SCG5: variants seen among roughly 807,000 people sequenced by gnomAD.
The protein encoded by SCG5 is neuroendocrine protein 7B2.
A neutral mutation model predicts 25.7 loss-of-function variants in SCG5; 18 were observed. That is an observed-to-expected ratio of 0.70 (90% CI 0.48 to 1.04). The LOEUF is 1.04. SCG5 is among the 50% of genes least tolerant of loss of function. The probability of loss-of-function intolerance (pLI) is 0.00; values close to 1 mark genes in which losing one functional copy is unlikely to be tolerated. For synonymous variants in SCG5, 101 were observed against 91.7 expected, an observed-to-expected ratio of 1.10 and a Z score of -0.58; for missense variants, 206 against 259.8, an observed-to-expected ratio of 0.79 and a Z score of 1.42.
chr15:32,650,127 T>C (rs928114421), intron 2 of SCG5, among the ~76,000 whole-genome samples: 4 of 152,154 alleles, frequency 2.6e-5, no homozygotes, highest in African/African-American at 9.7e-5. Context: ...GACGGAGTCT[T>C]GCTCTTTCGC....
At chr15:32,688,836 G>A (rs1187557577) in intron 4 of SCG5, among the ~76,000 whole-genome samples, 1 of 152,040 alleles carries the variant, frequency 6.6e-6, no homozygotes, top group East Asian at 1.9e-4. Context: ...GCGGGTGCCT[G>A]TAGTCCCAGC....
intron 2 of SCG5, among the ~76,000 whole-genome samples, chr15:32,649,449 A>G (rs985914472): frequency 6.6e-6 from 1 of 152,232 alleles, no homozygotes; most frequent in African/African-American, 2.4e-5. Flanking sequence ...TGTGATCACC[A>G]TGGTGCAAGG....
At chr15:32,675,878 T>A (rs2140562172) in intron 2 of SCG5, among the ~76,000 whole-genome samples, 1 of 152,310 alleles carries the variant, frequency 6.6e-6, no homozygotes, top group South Asian at 2.1e-4. Flanking sequence ...TGATTATATA[T>A]TATGTGCTCA....
chr15:32,687,439 A>G (rs572927993), intron 4 of SCG5, among the ~76,000 whole-genome samples: 10 of 152,342 alleles, frequency 6.6e-5, no homozygotes, highest in Admixed American at 5.9e-4. Context: ...GTTTACTTAA[A>G]CTTAGGTCTC....
Position 32,684,657 on chromosome 15 carries a change from C to A in SCG5, c.477C>A (p.Gly159=). ...TTGATCCGGAACATGACTATCCAGG[C>A]TTGGGCAAGTGGGTAAGTCCTATCT... ...HLFDPEHDYP[G]LGKWNKKLLY... Residue 159 remains glycine (G), a synonymous_variant, in exon 4 of 6, where the codon GGC becomes GGA. Transcript: ENST00000300175. The A allele has an allele frequency of 6.2e-7, 1 of 1,611,928 alleles. No individual in the cohort carries two copies. The highest frequency in any genetic ancestry group is 8.5e-7 in the Non-Finnish European group (1 of 1,178,264).
chr15:32,692,221 G>A (rs2054871445), intron 5 of SCG5: 2 of 995,162 alleles, frequency 2.0e-6, no homozygotes, highest in Admixed American at 6.1e-5. Context: ...GGGAGCAAAA[G>A]ATGAGATGAA....
rs1265762656 is a variant in SCG5 at position 32,684,563 on chromosome 15, A to G, written c.383A>G (p.Asp128Gly). ...AACCTTTGGCTGTTTGCAGCAGATG[A>G]TGGATGTCTAGAAAACACCCCTGAC... is the stretch of plus-strand genomic sequence containing the variant. ...NPCPVGKTAD[D>G]GCLENTPDTA... Residue 128 changes from aspartate to glycine, a missense_variant, in exon 4 of 6, where the codon GAT (aspartate) becomes GGT (glycine). Physicochemically the swap from Asp to Gly is moderately conservative, Grantham distance 94. Transcript: ENST00000300175. 83 of 1,608,946 alleles carry G rather than the reference A, an allele frequency of 5.2e-5. No homozygotes were observed. Among genetic ancestry groups the G allele is most frequent in the Non-Finnish European group, 6.9e-5 (81 of 1,175,934 alleles).
At chr15:32,673,927 G>A (rs906861030) in intron 2 of SCG5, among the ~76,000 whole-genome samples, 2 of 152,100 alleles carry the variant, frequency 1.3e-5, no homozygotes, top group South Asian at 4.2e-4. Flanking sequence ...CACCATCTTG[G>A]CCAGGCTGGT....
intron 2 of SCG5, among the ~76,000 whole-genome samples, chr15:32,676,737 A>G (rs2054537742): frequency 6.6e-6 from 1 of 152,258 alleles, no homozygotes; most frequent in African/African-American, 2.4e-5. Flanking sequence ...AACACAAATC[A>G]ACAGAGTGAG....
intron 2 of SCG5, among the ~76,000 whole-genome samples, chr15:32,645,352 G>A (rs2053925537): frequency 6.6e-6 from 1 of 152,176 alleles, no homozygotes; most frequent in Non-Finnish European, 1.5e-5. Context: ...TCTTTATCCA[G>A]AGACTCCATT....
rs187436291 is a variant in SCG5 at position 32,690,154 on chromosome 15, C to T, written c.490-1556C>T. ...TGAAGACTCTTATGGGTAGGATCTG[C>T]CCCCAAGATCTCCTAAAGAATTAAA... On this transcript the variant is annotated intron_variant, in intron 4 of 5. Coordinates refer to ENST00000300175, the MANE Select transcript of SCG5 (RefSeq NM_001144757.3). Among the ~76,000 whole-genome samples the T allele has an allele frequency of 2.5e-3, 379 of 152,258 alleles. 1 individual carries two copies. The highest frequency in any genetic ancestry group is 8.7e-3 in the African/African-American group (363 of 41,534).
intron 2 of SCG5, among the ~76,000 whole-genome samples, chr15:32,646,302 G>T (rs992588269): frequency 1.3e-5 from 2 of 152,336 alleles, no homozygotes; most frequent in African/African-American, 4.8e-5. Flanking sequence ...GTGCTGACCA[G>T]AGGTGTCGTC....
intron 2 of SCG5, among the ~76,000 whole-genome samples, chr15:32,669,868 A>AG (rs1188517929): frequency 2.1e-5 from 3 of 140,762 alleles, no homozygotes; most frequent in Admixed American, 6.9e-5. Flanking sequence ...ACACCGCTTC[A>AG]GAAAAAAAAA....
At chr15:32,676,850 A>T (rs1446952309) in intron 2 of SCG5, among the ~76,000 whole-genome samples, 1 of 152,248 alleles carries the variant, frequency 6.6e-6, no homozygotes, top group Non-Finnish European at 1.5e-5. Context: ...ACCCTTGGAT[A>T]TGCTAACTAG....
chr15:32,649,357 A>C (rs970101800), intron 2 of SCG5, among the ~76,000 whole-genome samples: 1 of 152,192 alleles, frequency 6.6e-6, no homozygotes, highest in African/African-American at 2.4e-5. Context: ...TGTTTTTAAA[A>C]ATCTCTGCCT....
chr15:32,696,503 T>G lies in SCG5; in HGVS notation c.544-11T>G. 1 of 1,591,824 alleles carries G rather than the reference T, an allele frequency of 6.3e-7. No homozygotes were observed. Among genetic ancestry groups the G allele is most frequent in the Non-Finnish European group, 8.6e-7 (1 of 1,161,644 alleles). ...ACCAAACCACATGGTTTTTGTTTGT[T>G]TGTTTTTCAGAGTGTCAATCCATAT... On this transcript the variant is annotated splice_polypyrimidine_tract_variant and intron_variant, in intron 5 of 5. Transcript: ENST00000300175.
At chr15:32,675,425 G>A (rs767630169) in intron 2 of SCG5, among the ~76,000 whole-genome samples, 1 of 152,140 alleles carries the variant, frequency 6.6e-6, no homozygotes, top group Non-Finnish European at 1.5e-5. Flanking sequence ...TCTTAGAGAA[G>A]AACTTCTTAA....
At chr15:32,673,527 C>CGTGT (rs55968956) in intron 2 of SCG5, among the ~76,000 whole-genome samples, 30,863 of 134,756 alleles carry the variant, frequency 0.23, 4,162 homozygotes, top group Admixed American at 0.32. Flanking sequence ...ATAAGATCCC[C>CGTGT]GTGTGTGTGT....
At chr15:32,671,985 G>T (rs1043180279) in intron 2 of SCG5, among the ~76,000 whole-genome samples, 1 of 152,250 alleles carries the variant, frequency 6.6e-6, no homozygotes, top group Admixed American at 6.5e-5. Flanking sequence ...CAGAGTCTGA[G>T]GGGAAACCAA....
Sources: allele counts gnomAD v4.1 joint callset (sites outside exome capture counted in the v4.1 genomes callset), GRCh38; gene constraint gnomAD v4.1.1; transcripts MANE v1.5; gene names NCBI Gene and HGNC (gene_info 2026-07-23, HGNC 2026-07-21).